The following KCNQ1 variants were observed in gnomAD, a reference collection of about 807,000 sequenced individuals.
KCNQ1 encodes the protein potassium voltage-gated channel subfamily KQT member 1.
A neutral mutation model predicts 72.4 loss-of-function variants in KCNQ1; 49 were observed. The ratio of observed to expected loss-of-function variants is 0.68; its 90% CI spans 0.54 to 0.86. The LOEUF (loss-of-function observed/expected upper bound fraction) is 0.86, where lower values mean the gene tolerates loss of function less well. Ranked by LOEUF, KCNQ1 falls within the 40% of genes least tolerant of loss-of-function variation. KCNQ1 has a pLI of 0.00. For missense variants in KCNQ1, 790 were observed against 945.1 expected (o/e 0.84, Z 2.15); for synonymous variants, 450 against 412.6 (o/e 1.09, Z -1.10).
At chr11:2,570,808 A>AC (rs1848322977) in intron 3 of KCNQ1, 54 bp downstream of exon 3, 6 of 1,601,656 alleles carry the variant, frequency 3.7e-6, no homozygotes, top group Non-Finnish European at 4.2e-6. Context: ...ACCAGGAAGG[A>AC]CCCCCACCTC....
intron 11 of KCNQ1, among the ~76,000 whole-genome samples, chr11:2,702,528 G>A (rs995677317): frequency 1.8e-4 from 27 of 152,302 alleles, no homozygotes; most frequent in African/African-American, 6.3e-4. Context: ...GAGCTTATTT[G>A]GTCTTACACT....
intron 10 of KCNQ1, chr11:2,640,916 A>C: frequency 2.5e-6 from 1 of 399,466 alleles, no homozygotes. Context: ...ATATGATAAT[A>C]ACATAAGATA....
rs1846684460 is a variant in KCNQ1 at position 2,483,322 on chromosome 11, A to G, written c.386+37838A>G. On this transcript the variant is annotated intron_variant, in intron 1 of 15. Coordinates refer to ENST00000155840, the MANE Select transcript of KCNQ1 (RefSeq NM_000218.3). The surrounding 1 kb of genome is among the most constrained non-coding windows in gnomAD (Gnocchi z 6.1). ...CTTTAAAAAAATCATTTTGTTTTGA[A>G]GCAATTTTAGACCTACAGAAAAGTT... Among the ~76,000 whole-genome samples, 1 of 152,156 alleles carries G rather than the reference A, an allele frequency of 6.6e-6. No individual in the cohort carries two copies. The highest frequency in any genetic ancestry group is 6.5e-5 in the Admixed American group (1 of 15,268).
rs1280649286 is a variant in KCNQ1 at position 2,735,522 on chromosome 11, C to T, written c.1515-33322C>T. ...GCCCCTCACCCACCCATCCACACCCCGCAGGCATCCTAGGGCCTGGCCCAC... is the reference window on the plus strand; with the variant it reads ...GCCCCTCACCCACCCATCCACACCCTGCAGGCATCCTAGGGCCTGGCCCAC... On this transcript the variant is annotated intron_variant, in intron 11 of 15. Transcript: ENST00000155840. This position sits in a 1 kb window ranked among gnomAD's most constrained non-coding sequence, Gnocchi z 7.7. Among the ~76,000 whole-genome samples the T allele has an allele frequency of 2.0e-5, 3 of 152,136 alleles. No homozygotes were observed. Among genetic ancestry groups the T allele is most frequent in the Admixed American group, 6.5e-5 (1 of 15,280 alleles).
At position 2,641,925 on chromosome 11, in the gene KCNQ1, A is replaced by C. The variant is rs141275567; in HGVS notation, c.1394-20036A>C. ...AGTGTATGTTCTTGGCATCTTTGTC[A>C]AAAATCAGTTGGCTGTAAATACATG... On this transcript the variant is annotated intron_variant, in intron 10 of 15. Transcript: ENST00000155840. 872 of 398,492 alleles carry C rather than the reference A, an allele frequency of 2.2e-3. 7 individuals are homozygous for C. The highest frequency in any genetic ancestry group is 0.016 in the African/African-American group (763 of 48,748). The allele number at this position is 398,492 out of a possible 1,614,324, so 24.7% of individuals were successfully genotyped here.
At chr11:2,461,119 C>G (rs1403631154) in intron 1 of KCNQ1, among the ~76,000 whole-genome samples, 1 of 152,048 alleles carries the variant, frequency 6.6e-6, no homozygotes, top group Admixed American at 6.5e-5. Context: ...GGGCAGCCAC[C>G]TTGCCTCTCT....
rs4337018 is a variant in KCNQ1, at chr11:2,484,212, G to A, written c.386+38728G>A. Among the ~76,000 whole-genome samples, 13,380 of 152,162 alleles carry A rather than the reference G, an allele frequency of 0.088. 771 individuals are homozygous for A. Among genetic ancestry groups the A allele is most frequent in the East Asian group, 0.24 (1,241 of 5,182 alleles). On this transcript the variant is annotated intron_variant, in intron 1 of 15. Coordinates refer to ENST00000155840, the MANE Select transcript of KCNQ1 (RefSeq NM_000218.3). The surrounding 1 kb of genome is among the most constrained non-coding windows in gnomAD (Gnocchi z 5.2). Reference sequence around the variant, plus strand: ...ACGGAGTTTTACTCTTGCACAGGCTGGAGTGCAGTGGCATGATCTCGGCTC... The same window carrying A: ...ACGGAGTTTTACTCTTGCACAGGCTAGAGTGCAGTGGCATGATCTCGGCTC...
intron 11 of KCNQ1, among the ~76,000 whole-genome samples, chr11:2,700,906 G>C (rs1459066554): frequency 6.6e-6 from 1 of 152,230 alleles, no homozygotes; most frequent in Non-Finnish European, 1.5e-5. Flanking sequence ...AAAAGCCTGG[G>C]TCACAAAAGC....
intron 11 of KCNQ1, chr11:2,680,343 G>A (rs1402225146): frequency 1.0e-5 from 4 of 396,236 alleles, no homozygotes; most frequent in Admixed American, 4.4e-5. Context: ...AGTCTTTCCA[G>A]CCACAAATAG....
At chr11:2,460,994 G>A (rs1054092310) in intron 1 of KCNQ1, among the ~76,000 whole-genome samples, 13 of 152,298 alleles carry the variant, frequency 8.5e-5, no homozygotes, top group African/African-American at 2.2e-4. Flanking sequence ...CTGGGTTTCC[G>A]GGGGTGTCCG....
At position 2,720,545 on chromosome 11, in the gene KCNQ1, C is replaced by A. The variant is rs975323976; in HGVS notation, c.1515-48299C>A. On this transcript the variant is annotated intron_variant, in intron 11 of 15. Transcript: ENST00000155840. This position sits in a 1 kb window ranked among gnomAD's most constrained non-coding sequence, Gnocchi z 5.1. ...AGGGCTGACCAGAGCAAGCAGTGTG[C>A]CATTAACCCCTACCTGTCCAGAACT... is the stretch of plus-strand genomic sequence containing the variant. Among the ~76,000 whole-genome samples the A allele has an allele frequency of 2.6e-5, 4 of 152,180 alleles. No individual in the cohort carries two copies. The highest frequency in any genetic ancestry group is 4.4e-5 in the Non-Finnish European group (3 of 68,024).
rs1344295326 is a variant in KCNQ1 at position 2,664,409 on chromosome 11, C to T, written c.1514+2328C>T. On this transcript the variant is annotated intron_variant, in intron 11 of 15. Coordinates refer to ENST00000155840, the MANE Select transcript of KCNQ1 (RefSeq NM_000218.3). This position sits in a 1 kb window ranked among gnomAD's most constrained non-coding sequence, Gnocchi z 5.1. ...AGAGAGGCCTGAAGGGGAGAGTGGG[C>T]ACGTACAGTGTCAGGGCCTAGGAAC... 1.0e-5 allele frequency: 4 copies of T among 398,556 alleles called. No individual in the cohort carries two copies. Among genetic ancestry groups the T allele is most frequent in the African/African-American group, 8.2e-5 (4 of 48,606 alleles). 24.7% of individuals were successfully genotyped at this position (398,556 alleles called of 1,614,324 possible).
chr11:2,566,384 C>T lies in KCNQ1; in HGVS notation c.478-4244C>T, dbSNP rs889758674. Among the ~76,000 whole-genome samples the T allele has an allele frequency of 2.0e-5, 3 of 152,198 alleles. No homozygotes were observed. Among genetic ancestry groups the T allele is most frequent in the Admixed American group, 6.5e-5 (1 of 15,286 alleles). ...ACCCGAGGACACCTGTACCTTGTCC[C>T]GGGGCGGGGCTCTCTCTGCCATGGA... On this transcript the variant is annotated intron_variant, in intron 2 of 15. Coordinates refer to ENST00000155840, the MANE Select transcript of KCNQ1 (RefSeq NM_000218.3). This position sits in a 1 kb window ranked among gnomAD's most constrained non-coding sequence, Gnocchi z 6.7.
intron 10 of KCNQ1, chr11:2,660,355 A>G: frequency 2.5e-6 from 1 of 398,566 alleles, no homozygotes; most frequent in Non-Finnish European, 4.4e-6. Context: ...AATTTAAGAG[A>G]GAATTGTATT....
In KCNQ1 at chr11:2,683,959, ACT is replaced by A. The variant is rs1850442021; in HGVS notation, c.1514+21879_1514+21880del. 1 of 392,014 alleles carries A rather than the reference ACT, an allele frequency of 2.6e-6. No homozygotes were observed. The highest frequency in any genetic ancestry group is 4.4e-6 in the Non-Finnish European group (1 of 224,942). The allele number at this position is 392,014 out of a possible 1,614,324, so 24.3% of individuals were successfully genotyped here. A position where few individuals can be genotyped will look rare whatever the true frequency, so the allele number is the denominator to read the frequency against. On this transcript the variant is annotated intron_variant, in intron 11 of 15. Coordinates refer to ENST00000155840, the MANE Select transcript of KCNQ1 (RefSeq NM_000218.3). This position sits in a 1 kb window ranked among gnomAD's most constrained non-coding sequence, Gnocchi z 4.7. Reference sequence around the variant, plus strand: ...CAGACAAAACCAGCTGACTGCTTTTACTTTTTTTTTTTTTTCATTTAGAAGAA... The same window carrying A: ...CAGACAAAACCAGCTGACTGCTTTTATTTTTTTTTTTTTCATTTAGAAGAA...
In KCNQ1 at chr11:2,664,407, G is replaced by T. The variant is rs1176904450; in HGVS notation, c.1514+2326G>T. 1.8e-5 allele frequency: 7 copies of T among 398,578 alleles called. No individual in the cohort carries two copies. Among genetic ancestry groups the T allele is most frequent in the Middle Eastern group, 1.2e-3 (2 of 1,610 alleles). The allele number at this position is 398,578 out of a possible 1,614,324, so 24.7% of individuals were successfully genotyped here. ...CCAGAGAGGCCTGAAGGGGAGAGTG[G>T]GCACGTACAGTGTCAGGGCCTAGGA... On this transcript the variant is annotated intron_variant, in intron 11 of 15. Coordinates refer to ENST00000155840, the MANE Select transcript of KCNQ1 (RefSeq NM_000218.3). This position sits in a 1 kb window ranked among gnomAD's most constrained non-coding sequence, Gnocchi z 5.1.
chr11:2,744,226 C>T (rs539279837), intron 11 of KCNQ1, among the ~76,000 whole-genome samples: 21 of 152,332 alleles, frequency 1.4e-4, no homozygotes, highest in Admixed American at 5.9e-4. Flanking sequence ...AAAAGGCCAC[C>T]GTGTGTCCAC....
intron 1 of KCNQ1, among the ~76,000 whole-genome samples, chr11:2,500,663 G>A (rs1301470339): frequency 6.6e-6 from 1 of 152,132 alleles, no homozygotes; most frequent in Admixed American, 6.5e-5. Flanking sequence ...AGAAAATGTG[G>A]CACATATACA....
chr11:2,708,249 T>G (rs960703217), intron 11 of KCNQ1, among the ~76,000 whole-genome samples: 23 of 152,238 alleles, frequency 1.5e-4, no homozygotes, highest in Non-Finnish European at 3.2e-4. Context: ...TTTGGAGACT[T>G]GACTTTGACA....
Sources: allele counts gnomAD v4.1 joint callset (sites outside exome capture counted in the v4.1 genomes callset), GRCh38; gene constraint gnomAD v4.1.1; non-coding constraint Gnocchi (gnomAD v3.1); transcripts MANE v1.5; gene names NCBI Gene and HGNC (gene_info 2026-07-23, HGNC 2026-07-21).